P4HA3: variants seen among roughly 807,000 people sequenced by gnomAD.
The protein encoded by P4HA3 is prolyl 4-hydroxylase subunit alpha-3.
In P4HA3, 60 loss-of-function variants were observed where a neutral mutation model predicts 66.7. That is an observed-to-expected ratio of 0.90 (90% confidence interval 0.73 to 1.12). The LOEUF is 1.12. P4HA3 is among the 50% of genes most tolerant of loss of function. The pLI, the probability that P4HA3 is intolerant of heterozygous loss-of-function variation, is 0.00. For synonymous variants in P4HA3, 263 were observed against 274.6 expected (o/e 0.96, Z 0.42); for missense variants, 683 against 685.8 (o/e 1.00, Z 0.05).
chr11:74,273,826 T>C (rs955460967), intron 9 of P4HA3, among the ~76,000 whole-genome samples: 1 of 152,058 alleles, frequency 6.6e-6, no homozygotes, highest in African/African-American at 2.4e-5. Context: ...AAAAGAATTG[T>C]CTACTACCAA....
At chr11:74,253,492 T>G in intron 15 of P4HA3, 1 of 1,607,730 alleles carries the variant, frequency 6.2e-7, no homozygotes, top group Non-Finnish European at 8.5e-7. Context: ...TCTTCCACAG[T>G]GTGTTTCCTG....
At chr11:74,294,276 G>A (rs1261829245) in intron 4 of P4HA3, among the ~76,000 whole-genome samples, 2 of 152,090 alleles carry the variant, frequency 1.3e-5, no homozygotes, top group African/African-American at 2.4e-5. Context: ...CGTAGCTCTC[G>A]TGCCTTGGTT....
chr11:74,251,214 G>T, intron 15 of P4HA3: 1 of 1,417,978 alleles, frequency 7.1e-7, no homozygotes, highest in East Asian at 2.5e-5. Flanking sequence ...ATGTGCTGAG[G>T]AGCTACTGAC....
At chr11:74,305,239 A>G (rs1468307209) in intron 1 of P4HA3, among the ~76,000 whole-genome samples, 1 of 152,090 alleles carries the variant, frequency 6.6e-6, no homozygotes, top group Non-Finnish European at 1.5e-5. Context: ...AGAAGGGGGA[A>G]GGAAAGGCTT....
intron 4 of P4HA3, among the ~76,000 whole-genome samples, chr11:74,295,064 C>T (rs1192542613): frequency 6.6e-6 from 1 of 152,144 alleles, no homozygotes; most frequent in African/African-American, 2.4e-5. Flanking sequence ...CTTGGCTCCT[C>T]CCCCCGTGCC....
rs749629094 is a variant in P4HA3, at chr11:74,298,334, G to T, written c.595C>A (p.His199Asn). Residue 199 changes from histidine to asparagine, a missense_variant, in exon 4 of 13, where the codon CAT (histidine) becomes AAT (asparagine). By Grantham distance (68) the His-to-Asn change is moderately conservative (BLOSUM62 1). Coordinates refer to ENST00000331597, the MANE Select transcript of P4HA3 (RefSeq NM_182904.5). The part of the protein sequence containing the change: ...KVAYDMGDYY[H>N]AIPWLEEAVS... ...GCCTCCTCCAGCCATGGAATGGCAT[G>T]GTAATAATCCCCCATGTCATAGGCC... 1 of 1,613,808 alleles carries T rather than the reference G, an allele frequency of 6.2e-7. No individual in the cohort carries two copies. The highest frequency in any genetic ancestry group is 8.5e-7 in the Non-Finnish European group (1 of 1,179,926).
At chr11:74,298,670 C>T (rs184985611) in intron 3 of P4HA3, among the ~76,000 whole-genome samples, 2 of 152,246 alleles carry the variant, frequency 1.3e-5, no homozygotes, top group East Asian at 3.9e-4. Flanking sequence ...TGTGGTGGCA[C>T]AGGGAAGGGA....
intron 6 of P4HA3, 65 bp from the exon 7 acceptor site, chr11:74,286,050 G>T: frequency 1.3e-6 from 2 of 1,522,592 alleles, no homozygotes; most frequent in Admixed American, 1.8e-5. Flanking sequence ...CAACTTAGGG[G>T]AACTATGGCA....
At chr11:74,302,214 C>T (rs1861429561) in intron 3 of P4HA3, among the ~76,000 whole-genome samples, 155 bp downstream of exon 3, 2 of 152,202 alleles carry the variant, frequency 1.3e-5, no homozygotes. Context: ...TATTTACCCT[C>T]TCTGAATCTT....
intron 10 of P4HA3, among the ~76,000 whole-genome samples, chr11:74,272,677 C>A (rs570372975): frequency 2.0e-5 from 3 of 152,180 alleles, no homozygotes; most frequent in Non-Finnish European, 4.4e-5. Context: ...CAGAGACAGT[C>A]CTAATAGAAG....
At chr11:74,284,344 G>A (rs1319798209) in intron 7 of P4HA3, among the ~76,000 whole-genome samples, 3 of 152,132 alleles carry the variant, frequency 2.0e-5, no homozygotes, top group Non-Finnish European at 4.4e-5. Context: ...AGTGAAACAT[G>A]GGTGGAAGTA....
chr11:74,304,062 T>C (rs1257761451), intron 2 of P4HA3, among the ~76,000 whole-genome samples: 1 of 152,166 alleles, frequency 6.6e-6, no homozygotes, highest in Non-Finnish European at 1.5e-5. Flanking sequence ...AATGAGACAA[T>C]TGATATGAAA....
chr11:74,267,124 C>A lies in P4HA3; in HGVS notation c.*124G>T, dbSNP rs544371312. 7 of 1,555,892 alleles carry A rather than the reference C, an allele frequency of 4.5e-6. No individual in the cohort carries two copies. In the African/African-American group the frequency reaches 9.4e-5, roughly 21 times the overall value. ...TCCCTTGCCTCTGATTTGCGAGGCA[C>A]AGACAAAGCTGACAAGGCCTTCTTC... On this transcript the variant is annotated 3_prime_UTR_variant, in exon 13 of 13. Transcript: ENST00000331597.
intron 10 of P4HA3, among the ~76,000 whole-genome samples, chr11:74,270,601 A>T (rs1221856858): frequency 6.6e-6 from 1 of 152,178 alleles, no homozygotes; most frequent in African/African-American, 2.4e-5. Flanking sequence ...TGTCCTTGCA[A>T]ATATATTATC....
intron 15 of P4HA3, among the ~76,000 whole-genome samples, chr11:74,255,248 G>T: frequency 6.6e-6 from 1 of 152,130 alleles, no homozygotes; most frequent in South Asian, 2.1e-4. Context: ...CACAGTGAAT[G>T]ACTTCTCTTA....
chr11:74,292,606 C>A (rs1024902133), intron 4 of P4HA3, among the ~76,000 whole-genome samples: 2 of 152,164 alleles, frequency 1.3e-5, no homozygotes, highest in Non-Finnish European at 2.9e-5. Flanking sequence ...TCCCTCTACA[C>A]ACTGCTTTGA....
At chr11:74,285,704 G>T in intron 7 of P4HA3, 105 bp downstream of exon 7, 1 of 1,233,230 alleles carries the variant, frequency 8.1e-7, no homozygotes, top group Non-Finnish European at 1.1e-6. Flanking sequence ...GAACTCCTTG[G>T]CTCTTTGAGG....
chr11:74,253,913 C>T (rs1312435978), intron 15 of P4HA3: 2 of 293,014 alleles, frequency 6.8e-6, no homozygotes, highest in Admixed American at 4.8e-5. Context: ...TGGCATGGCC[C>T]AGCCCTGCCT....
Position 74,278,378 on chromosome 11 carries a change from T to C in P4HA3, c.1175+1010A>G, listed in dbSNP as rs145472513. 9.0e-4 allele frequency among the ~76,000 whole-genome samples: 137 copies of C among 152,238 alleles called. No homozygotes were observed. The Middle Eastern group carries it at 0.02, about 23-fold the overall frequency. Reference sequence around the variant, plus strand: ...ATAGAAAACTGAAAACACTGTGATATGGAATCTGGACTTTATGGATAATGG... The same window carrying C: ...ATAGAAAACTGAAAACACTGTGATACGGAATCTGGACTTTATGGATAATGG... On this transcript the variant is annotated intron_variant, in intron 8 of 12. Coordinates refer to ENST00000331597, the MANE Select transcript of P4HA3 (RefSeq NM_182904.5).
Sources: gnomAD v4.1 joint callset for allele counts (sites outside exome capture counted in the v4.1 genomes callset) on GRCh38, gnomAD v4.1.1 for gene constraint, MANE v1.5 for transcripts, NCBI Gene and HGNC (gene_info 2026-07-23, HGNC 2026-07-21) for gene names.